The following RANBP6 variants were observed in gnomAD, a reference collection of about 807,000 sequenced individuals.
RANBP6 encodes the protein ran-binding protein 6.
Under a neutral mutation model 35.3 loss-of-function variants are expected in RANBP6, and 10 were observed. That is an observed-to-expected ratio of 0.28 (90% CI 0.17 to 0.48). The LOEUF is 0.48. Among genes scored for constraint, RANBP6 ranks in the 20% least tolerant of loss-of-function variants. RANBP6 has a pLI of 0.99. For synonymous variants in RANBP6, 514 were observed against 464.2 expected (o/e 1.11, Z -1.38); for missense variants, 1,392 against 1,307.7 (o/e 1.06, Z -0.99).
At position 6,012,962 on chromosome 9, in the gene RANBP6, T is replaced by C. The variant is rs748976442; in HGVS notation, c.2646A>G (p.Ser882=). The C allele has an allele frequency of 1.2e-6, 2 of 1,614,198 alleles. No homozygotes were observed. Among genetic ancestry groups the C allele is most frequent in the South Asian group, 2.2e-5 (2 of 91,082 alleles). ...ACTGTCTGTCTGGCCATGGCCTACT[T>C]GAACAAATTAGATTTACAATTAATG... The part of the protein sequence containing the change: ...LLPLIVNLIC[S]SRPWPDRQWG... The change falls in exon 1 of 1, where the codon TCA becomes TCG. Residue 882 remains serine, a synonymous_variant. Coordinates refer to ENST00000259569, the MANE Select transcript of RANBP6 (RefSeq NM_012416.4).
Position 6,014,701 on chromosome 9 carries a change from T to C in RANBP6, c.907A>G (p.Lys303Glu), listed in dbSNP as rs373270178. 6.2e-7 allele frequency: 1 copy of C among 1,614,182 alleles called. No individual in the cohort carries two copies. The highest frequency in any genetic ancestry group is 8.5e-7 in the Non-Finnish European group (1 of 1,180,052). ...TGTGCAATAATATTTGTATGTTTTT[T>C]CAACATCGGAGTGGCAGTTTCAGAC... ...TLSETATPML[K>E]KHTNIIAQAV... The change falls in exon 1 of 1, where the codon AAA becomes GAA. Residue 303 changes from lysine (K) to glutamate (E), a missense_variant. By Grantham distance (56) the Lys-to-Glu change is moderately conservative (BLOSUM62 1). Coordinates refer to ENST00000259569, the MANE Select transcript of RANBP6 (RefSeq NM_012416.4).
Position 6,014,079 on chromosome 9 carries a change from C to T in RANBP6, c.1529G>A (p.Arg510Gln), listed in dbSNP as rs201025756. Reference sequence around the variant, plus strand: ...TTCCAAAGCCAACTTAGTTCCATTCCGAATCAACTCTTGAAGTTTAATCAC... The same window carrying T: ...TTCCAAAGCCAACTTAGTTCCATTCTGAATCAACTCTTGAAGTTTAATCAC... ...VLVIKLQELI[R>Q]NGTKLALEQL... Residue 510 changes from arginine to glutamine, a missense_variant, in exon 1 of 1, where the codon CGG (arginine) becomes CAG (glutamine). Coordinates refer to ENST00000259569, the MANE Select transcript of RANBP6 (RefSeq NM_012416.4). The T allele has an allele frequency of 7.4e-6, 12 of 1,613,890 alleles. No homozygotes were observed. Among genetic ancestry groups the T allele is most frequent in the East Asian group, 6.7e-5 (3 of 44,882 alleles).
In RANBP6 at chr9:6,013,820, T is replaced by C. The variant is rs771931683; in HGVS notation, c.1788A>G (p.Gln596=). 6.8e-6 allele frequency: 11 copies of C among 1,614,004 alleles called. No homozygotes were observed. The South Asian group carries it at 8.8e-5, about 13-fold the overall frequency. ...SNVMQLLLKT[Q]SDLNNMEDDD... is the part of the protein sequence containing the mutation. ...CATCTTCCATATTATTTAAGTCTGA[T>C]TGTGTCTTCAACAACAGCTGCATCA... Residue 596 remains glutamine, a synonymous_variant, in exon 1 of 1, where the codon CAA becomes CAG. Coordinates refer to ENST00000259569, the MANE Select transcript of RANBP6 (RefSeq NM_012416.4).
In RANBP6 at chr9:6,014,516, T is replaced by C. The variant is rs770588283; in HGVS notation, c.1092A>G (p.Leu364=). 1.2e-6 allele frequency: 2 copies of C among 1,614,038 alleles called. No individual in the cohort carries two copies. Among genetic ancestry groups the C allele is most frequent in the African/African-American group, 2.7e-5 (2 of 74,934 alleles). Residue 364 remains leucine, a synonymous_variant, in exon 1 of 1, where the codon TTA becomes TTG. Transcript: ENST00000259569. ...GCATGATATGCTCCTTGGTCATTGG[T>C]AAAACAACTTTTCCACCAAGCCCAC... ...LACGLGGKVV[L]PMTKEHIMQM...
chr9:6,013,667 A>G lies in RANBP6; in HGVS notation c.1941T>C (p.Asp647=), dbSNP rs1842518639. Residue 647 remains aspartate, a synonymous_variant, in exon 1 of 1, where the codon GAT becomes GAC. Transcript: ENST00000259569. ...CATCCTGTGTGTCTAAGAGAGCAAC[A>G]TCAGGTTTAGCTGAAGCAGTCTTAA... ...PLIKTASAKP[D]VALLDTQDVE... 1 of 1,614,234 alleles carries G rather than the reference A, an allele frequency of 6.2e-7. No individual in the cohort carries two copies. Among genetic ancestry groups the G allele is most frequent in the Non-Finnish European group, 8.5e-7 (1 of 1,180,040 alleles).
Position 6,012,371 on chromosome 9 carries a change from A to T in RANBP6, c.3237T>A (p.Ser1079=), listed in dbSNP as rs1239735438. The part of the protein sequence containing the change: ...LANVVRQVQT[S]EDLWLECVSQ... ...ATACACATTCCAACCATAAATCTTCAGAAGTCTGTACCTGACGCACGACAT... is the reference window on the plus strand; with the variant it reads ...ATACACATTCCAACCATAAATCTTCTGAAGTCTGTACCTGACGCACGACAT... Residue 1079 remains serine (S), a synonymous_variant, in exon 1 of 1, where the codon TCT becomes TCA. Transcript: ENST00000259569. The T allele has an allele frequency of 6.2e-7, 1 of 1,612,652 alleles. No homozygotes were observed. The highest frequency in any genetic ancestry group is 8.5e-7 in the Non-Finnish European group (1 of 1,179,678).
In RANBP6 at chr9:6,012,230, C is replaced by T. The variant is rs960318860; in HGVS notation, c.*60G>A. The T allele has an allele frequency of 1.2e-5, 15 of 1,238,946 alleles. No homozygotes were observed. The highest frequency in any genetic ancestry group is 5.1e-5 in the Admixed American group (2 of 39,328). 76.7% of individuals were successfully genotyped at this position (1,238,946 alleles called of 1,614,324 possible). On this transcript the variant is annotated 3_prime_UTR_variant, in exon 1 of 1. Coordinates refer to ENST00000259569, the MANE Select transcript of RANBP6 (RefSeq NM_012416.4). ...TCTCTGATTTATAATAAAATCTATT[C>T]ACAACACTTATTTGTAGTTACTTTT...
In RANBP6 at chr9:6,014,902, A is replaced by G; in HGVS notation, c.706T>C (p.Ser236Pro). 6.2e-7 allele frequency: 1 copy of G among 1,614,124 alleles called. No homozygotes were observed. The highest frequency in any genetic ancestry group is 8.5e-7 in the Non-Finnish European group (1 of 1,179,982). Reference protein sequence around the residue: ...LPGILQAVNDSCYQDDDSVLE... With the variant: ...LPGILQAVNDPCYQDDDSVLE... Reference sequence around the variant, plus strand: ...ACTGAATCATCATCCTGGTAGCATGAGTCATTCACAGCCTGTAAGATTCCA... The same window carrying G: ...ACTGAATCATCATCCTGGTAGCATGGGTCATTCACAGCCTGTAAGATTCCA... The change falls in exon 1 of 1, where the codon TCA (serine) becomes CCA (proline). Residue 236 changes from serine (S) to proline (P), a missense_variant. Physicochemically the swap from Ser to Pro is moderately conservative, Grantham distance 74 (BLOSUM62 -1). Coordinates refer to ENST00000259569, the MANE Select transcript of RANBP6 (RefSeq NM_012416.4).
At position 6,013,302 on chromosome 9, in the gene RANBP6, G is replaced by C. The variant is rs746101095; in HGVS notation, c.2306C>G (p.Pro769Arg). ...DPLIKAIGTE[P>R]DTDVLSEIMN... Reference sequence around the variant, plus strand: ...TATTTCTGAGAGCACATCTGTATCTGGTTCAGTACCAATAGCCTTGATTAA... The same window carrying C: ...TATTTCTGAGAGCACATCTGTATCTCGTTCAGTACCAATAGCCTTGATTAA... The change falls in exon 1 of 1, where the codon CCA becomes CGA. Residue 769 changes from proline (P) to arginine (R), a missense_variant. Pro to Arg is a moderately radical substitution (Grantham distance 103). Transcript: ENST00000259569. 16 of 1,614,006 alleles carry C rather than the reference G, an allele frequency of 9.9e-6. No homozygotes were observed. Among genetic ancestry groups the C allele is most frequent in the Non-Finnish European group, 1.3e-5 (15 of 1,180,020 alleles).
At position 6,015,146 on chromosome 9, in the gene RANBP6, A is replaced by G; in HGVS notation, c.462T>C (p.Val154=). ...LIDSIYSKNV[V]LWEVALHVFW... is the part of the protein sequence containing the mutation. ...AAACGTGAAGTGCAACTTCCCATAG[A>G]ACCACATTTTTGGAGTAGATTGAAT... Residue 154 remains valine (V), a synonymous_variant, in exon 1 of 1, where the codon GTT becomes GTC. Transcript: ENST00000259569. The G allele has an allele frequency of 1.1e-5, 18 of 1,614,142 alleles. No homozygotes were observed. Among genetic ancestry groups the G allele is most frequent in the Non-Finnish European group, 1.4e-5 (17 of 1,180,046 alleles).
chr9:6,013,164 T>C lies in RANBP6; in HGVS notation c.2444A>G (p.Asn815Ser). 6.2e-7 allele frequency: 1 copy of C among 1,614,008 alleles called. No homozygotes were observed. Among genetic ancestry groups the C allele is most frequent in the Non-Finnish European group, 8.5e-7 (1 of 1,179,994 alleles). ...LKAKLEGHFK[N>S]QELRQVKRQE... ...TCTTTTCACCTGTCTCAATTCTTGGTTTTTAAAGTGCCCTTCAAGTTTTGC... is the reference window on the plus strand; with the variant it reads ...TCTTTTCACCTGTCTCAATTCTTGGCTTTTAAAGTGCCCTTCAAGTTTTGC... The change falls in exon 1 of 1, where the codon AAC becomes AGC. Residue 815 changes from asparagine to serine, a missense_variant. By Grantham distance (46) the Asn-to-Ser change is conservative (BLOSUM62 1). Transcript: ENST00000259569.
In RANBP6 at chr9:6,015,010, A is replaced by G. The variant is rs760985608; in HGVS notation, c.598T>C (p.Leu200=). 1 of 1,614,212 alleles carries G rather than the reference A, an allele frequency of 6.2e-7. No homozygotes were observed. The highest frequency in any genetic ancestry group is 1.6e-4 in the Middle Eastern group (1 of 6,062). ...QDQEHPAIRT[L]SARAAAAFVL... is the part of the protein sequence containing the mutation. ...AATGCAGCTGCAGCTCTAGCGGATA[A>G]TGTCCTGATTGCTGGATGTTCTTGA... The change falls in exon 1 of 1, where the codon TTA becomes CTA. Residue 200 remains leucine (L), a synonymous_variant. Transcript: ENST00000259569.
chr9:6,015,461 C>A lies in RANBP6; in HGVS notation c.147G>T (p.Lys49Asn). 1 of 1,614,192 alleles carries A rather than the reference C, an allele frequency of 6.2e-7. No homozygotes were observed. Among genetic ancestry groups the A allele is most frequent in the Non-Finnish European group, 8.5e-7 (1 of 1,180,046 alleles). Reference sequence around the variant, plus strand: ...TGACGGCATCTAAGAGGAAGGTAGTCTTACACAGACCTGGGATATTTTCAT... The same window carrying A: ...TGACGGCATCTAAGAGGAAGGTAGTATTACACAGACCTGGGATATTTTCAT... ...EIYENIPGLC[K>N]TTFLLDAVRN... The change falls in exon 1 of 1, where the codon AAG becomes AAT. Residue 49 changes from lysine to asparagine, a missense_variant. Coordinates refer to ENST00000259569, the MANE Select transcript of RANBP6 (RefSeq NM_012416.4).
rs918764003 is a variant in RANBP6 at position 6,012,275 on chromosome 9, T to C, written c.*15A>G. On this transcript the variant is annotated 3_prime_UTR_variant, in exon 1 of 1. Transcript: ENST00000259569. ...ACTTTTATAATAGATAATATTCAAGTTATATTAAAGTGCTTCAAGCAAAAT... is the reference window on the plus strand; with the variant it reads ...ACTTTTATAATAGATAATATTCAAGCTATATTAAAGTGCTTCAAGCAAAAT... 1.3e-5 allele frequency: 19 copies of C among 1,489,082 alleles called. No homozygotes were observed. Among genetic ancestry groups the C allele is most frequent in the Non-Finnish European group, 1.6e-5 (18 of 1,110,196 alleles). 92.2% of individuals were successfully genotyped at this position (1,489,082 alleles called of 1,614,324 possible). A position where few individuals can be genotyped will look rare whatever the true frequency, so the allele number is the denominator to read the frequency against.
At position 6,012,957 on chromosome 9, in the gene RANBP6, C is replaced by G. The variant is rs1563988665; in HGVS notation, c.2651G>C (p.Arg884Thr). ...TCCCCACTGTCTGTCTGGCCATGGC[C>G]TACTTGAACAAATTAGATTTACAAT... ...PLIVNLICSS[R>T]PWPDRQWGLC... The change falls in exon 1 of 1, where the codon AGG (arginine) becomes ACG (threonine). Residue 884 changes from arginine (R) to threonine (T), a missense_variant. By Grantham distance (71) the Arg-to-Thr change is moderately conservative (BLOSUM62 -1). Transcript: ENST00000259569. The G allele has an allele frequency of 2.5e-6, 4 of 1,614,130 alleles. No individual in the cohort carries two copies. The highest frequency in any genetic ancestry group is 1.6e-4 in the Middle Eastern group (1 of 6,062).
Position 6,014,642 on chromosome 9 carries a change from A to G in RANBP6, c.966T>C (p.Asp322=). 2 of 1,614,188 alleles carry G rather than the reference A, an allele frequency of 1.2e-6. No homozygotes were observed. Among genetic ancestry groups the G allele is most frequent in the Non-Finnish European group, 1.7e-6 (2 of 1,180,024 alleles). The change falls in exon 1 of 1, where the codon GAT becomes GAC. Residue 322 remains aspartate (D), a synonymous_variant. Coordinates refer to ENST00000259569, the MANE Select transcript of RANBP6 (RefSeq NM_012416.4). ...TTACCCAGTCCTCATCATCTTGTAG[A>G]TCAACCATCATTGCTAATATATGAG... ...AVPHILAMMV[D]LQDDEDWVNA...
In RANBP6 at chr9:6,014,225, T is replaced by A. The variant is rs368950037; in HGVS notation, c.1383A>T (p.Gln461His). The A allele has an allele frequency of 5.9e-5, 96 of 1,613,748 alleles. No homozygotes were observed. In the South Asian group the frequency reaches 1.0e-3, roughly 17 times the overall value. Residue 461 changes from glutamine to histidine, a missense_variant, in exon 1 of 1, where the codon CAA becomes CAT. By Grantham distance (24) the Gln-to-His change is conservative. Coordinates refer to ENST00000259569, the MANE Select transcript of RANBP6 (RefSeq NM_012416.4). ...CATGTGATTGCACACGCTGATTACC[T>A]TGATTTTCCATGGTACGTAACAGAG... Reference protein sequence around the residue: ...IAALLRTMENQGNQRVQSHAA... With the variant: ...IAALLRTMENHGNQRVQSHAA...
At position 6,012,091 on chromosome 9, in the gene RANBP6, A is replaced by G; in HGVS notation, c.*199T>C. On this transcript the variant is annotated 3_prime_UTR_variant, in exon 1 of 1. Transcript: ENST00000259569. ...AAGACAGTTTGAAGCACAGGTTATC[A>G]CCAAGGTCTGTGTTTGGAAGATAAA... The G allele has an allele frequency of 2.2e-6, 1 of 448,682 alleles. No homozygotes were observed. Among genetic ancestry groups the G allele is most frequent in the Non-Finnish European group, 3.9e-6 (1 of 256,466 alleles). 27.8% of individuals were successfully genotyped at this position (448,682 alleles called of 1,614,324 possible).
At position 6,015,579 on chromosome 9, in the gene RANBP6, G is replaced by C. The variant is rs769632096; in HGVS notation, c.29C>G (p.Pro10Arg). 6.2e-7 allele frequency: 1 copy of C among 1,602,204 alleles called. No homozygotes were observed. Among genetic ancestry groups the C allele is most frequent in the African/African-American group, 1.3e-5 (1 of 74,828 alleles). Residue 10 changes from proline (P) to arginine (R), a missense_variant, in exon 1 of 1, where the codon CCG (proline) becomes CGG (arginine). Physicochemically the swap from Pro to Arg is moderately radical, Grantham distance 103. Transcript: ENST00000259569. MAATASAGV[P>R]ATVSEKQEFY... ...CTCTTGCTTTTCTGACACGGTCGCCGGCACCCCTGCAGACGCGGTTGCCGC... is the reference window on the plus strand; with the variant it reads ...CTCTTGCTTTTCTGACACGGTCGCCCGCACCCCTGCAGACGCGGTTGCCGC...
Sources: gnomAD v4.1 joint callset for allele counts on GRCh38, gnomAD v4.1.1 for gene constraint, MANE v1.5 for transcripts, NCBI Gene and HGNC (gene_info 2026-07-23, HGNC 2026-07-21) for gene names.